Variants in SEPTIN7 observed in about 807,000 individuals in gnomAD.
The protein encoded by SEPTIN7 is septin-7.
Under a neutral mutation model 63.3 loss-of-function variants are expected in SEPTIN7, and 10 were observed. That is an observed-to-expected ratio of 0.16 (90% CI 0.10 to 0.27). The LOEUF is 0.27. Among genes scored for constraint, SEPTIN7 ranks in the 10% least tolerant of loss-of-function variants. The pLI, the probability that SEPTIN7 is intolerant of heterozygous loss-of-function variation, is 1.00. For missense variants in SEPTIN7, 310 were observed against 521.0 expected (o/e 0.59, Z 3.94); for synonymous variants, 131 against 165.3 (o/e 0.79, Z 1.59).
intron 11 of SEPTIN7, among the ~76,000 whole-genome samples, chr7:35,891,327 A>G (rs141602522): frequency 5.9e-5 from 9 of 152,312 alleles, no homozygotes; most frequent in African/African-American, 2.2e-4. Context: ...TACATTTCTG[A>G]GAAATGTGTC....
intron 12 of SEPTIN7, chr7:35,901,697 A>T (rs1048095830): frequency 6.6e-6 from 1 of 152,150 alleles, no homozygotes; most frequent in Admixed American, 6.6e-5. Flanking sequence ...AAAAAATAGA[A>T]TGTTATCAAC....
intron 3 of SEPTIN7, among the ~76,000 whole-genome samples, chr7:35,853,876 G>A (rs1785074969): frequency 6.6e-6 from 1 of 152,258 alleles, no homozygotes; most frequent in Non-Finnish European, 1.5e-5. Flanking sequence ...AGAACATACT[G>A]CCTGGTGTCA....
chr7:35,871,343 C>G (rs1318592645), intron 4 of SEPTIN7, among the ~76,000 whole-genome samples: 1 of 152,176 alleles, frequency 6.6e-6, no homozygotes, highest in Non-Finnish European at 1.5e-5. Flanking sequence ...CTGTAGACCT[C>G]TGCTGTGTAT....
intron 6 of SEPTIN7, among the ~76,000 whole-genome samples, chr7:35,876,940 G>T (rs1786508696): frequency 6.6e-6 from 1 of 151,990 alleles, no homozygotes; most frequent in Non-Finnish European, 1.5e-5. Context: ...CTGCACTCCA[G>T]ACTGAGCAAT....
intron 3 of SEPTIN7, among the ~76,000 whole-genome samples, chr7:35,835,331 C>T (rs1784027344): frequency 6.6e-6 from 1 of 152,124 alleles, no homozygotes; most frequent in Admixed American, 6.6e-5. Context: ...AAATAATAGC[C>T]ATCATTTACA....
At chr7:35,859,132 T>C (rs2116118110) in intron 3 of SEPTIN7, among the ~76,000 whole-genome samples, 1 of 152,282 alleles carries the variant, frequency 6.6e-6, no homozygotes, top group South Asian at 2.1e-4. Flanking sequence ...TTTATATAAG[T>C]GTTTACAACT....
intron 3 of SEPTIN7, among the ~76,000 whole-genome samples, chr7:35,853,279 T>C (rs1023335970): frequency 1.2e-4 from 18 of 151,964 alleles, no homozygotes; most frequent in African/African-American, 4.1e-4. Context: ...AAAAAATATT[T>C]GCTGGATGTG....
At chr7:35,824,284 G>T (rs951456583) in intron 1 of SEPTIN7, among the ~76,000 whole-genome samples, 6 of 152,064 alleles carry the variant, frequency 3.9e-5, no homozygotes, top group Admixed American at 2.6e-4. Context: ...TCTTGAGGGG[G>T]CTGCTACAGT....
At chr7:35,887,552 G>A (rs2116314919) in intron 10 of SEPTIN7, among the ~76,000 whole-genome samples, 2 of 152,288 alleles carry the variant, frequency 1.3e-5, no homozygotes, top group South Asian at 4.1e-4. Flanking sequence ...TCACCGTGTT[G>A]GCCAGGCTGG....
At chr7:35,829,116 T>C (rs147220599) in intron 1 of SEPTIN7, among the ~76,000 whole-genome samples, 1 of 147,306 alleles carries the variant, frequency 6.8e-6, no homozygotes, top group East Asian at 2.0e-4. Flanking sequence ...TTCATTATAG[T>C]TCATGGACCT....
At chr7:35,828,358 AG>A (rs1783624541) in intron 1 of SEPTIN7, among the ~76,000 whole-genome samples, 1 of 152,076 alleles carries the variant, frequency 6.6e-6, no homozygotes, top group African/African-American at 2.4e-5. Flanking sequence ...TCTCTGCTCC[AG>A]GGCTTTGCCT....
chr7:35,858,686 T>C (rs898473775), intron 3 of SEPTIN7, among the ~76,000 whole-genome samples: 3 of 149,960 alleles, frequency 2.0e-5, no homozygotes, highest in East Asian at 2.0e-4. Context: ...TTTTTCTTTT[T>C]TTTTTTTTTT....
In SEPTIN7 at chr7:35,869,726, A is replaced by G. The variant is rs1786030949; in HGVS notation, c.277-2940A>G. Among the ~76,000 whole-genome samples, 3 of 152,234 alleles carry G rather than the reference A, an allele frequency of 2.0e-5. No homozygotes were observed. The South Asian group carries it at 6.2e-4, about 32-fold the overall frequency. On this transcript the variant is annotated intron_variant, in intron 4 of 13. Coordinates refer to ENST00000350320, the MANE Select transcript of SEPTIN7 (RefSeq NM_001788.6). ...CTCTTGTATACTGTATACACTCAGT[A>G]TTAGAAAATGAGTACCTTGGATTTC... is the stretch of plus-strand genomic sequence containing the variant.
chr7:35,904,019 T>A (rs569671745), intron 13 of SEPTIN7, among the ~76,000 whole-genome samples: 13 of 152,312 alleles, frequency 8.5e-5, no homozygotes, highest in African/African-American at 3.1e-4. Flanking sequence ...AGTTTTGCCT[T>A]ATTTTTTTAC....
intron 3 of SEPTIN7, chr7:35,847,285 G>T: frequency 6.3e-6 from 1 of 159,338 alleles, no homozygotes; most frequent in South Asian, 1.7e-4. Context: ...TGCGATTCTT[G>T]AACTATGGGA....
intron 1 of SEPTIN7, among the ~76,000 whole-genome samples, chr7:35,806,501 T>C (rs1788349059): frequency 6.6e-6 from 1 of 152,210 alleles, no homozygotes; most frequent in South Asian, 2.1e-4. Flanking sequence ...GGAGTCTACA[T>C]TTCCAAATGC....
At chr7:35,853,251 G>A (rs1316561817) in intron 3 of SEPTIN7, among the ~76,000 whole-genome samples, 1 of 152,136 alleles carries the variant, frequency 6.6e-6, no homozygotes, top group African/African-American at 2.4e-5. Flanking sequence ...GGGCAACATA[G>A]TGAGACCTCA....
rs1165521328 is a variant in SEPTIN7 at position 35,905,133 on chromosome 7, T to C, written c.*840T>C. The C allele has an allele frequency of 6.6e-6, 1 of 152,628 alleles. No homozygotes were observed. The highest frequency in any genetic ancestry group is 6.5e-5 in the Admixed American group (1 of 15,280). The allele number at this position is 152,628 out of a possible 1,614,324, so 9.5% of individuals were successfully genotyped here. ...TTTCTAGGCAAAATTGTGAAGCTAA[T>C]GACCAACCTGTTTCTACCTATATGC... On this transcript the variant is annotated 3_prime_UTR_variant, in exon 14 of 14. Transcript: ENST00000350320.
chr7:35,914,860 ATACATAGATATGTG>A, the SEPTIN7 span, among the ~76,000 whole-genome samples: 1 of 152,040 alleles, frequency 6.6e-6, no homozygotes. Context: ...AAATATATGT[ATACATAGATATGTG>A]TACATAGATA....
Sources: gnomAD v4.1 joint callset for allele counts (sites outside exome capture counted in the v4.1 genomes callset) on GRCh38, gnomAD v4.1.1 for gene constraint, MANE v1.5 for transcripts, NCBI Gene and HGNC (gene_info 2026-07-23, HGNC 2026-07-21) for gene names.